Variants in MYL1 observed in about 807,000 individuals in gnomAD.
MYL1 encodes the protein myosin light chain 1.
Under a neutral mutation model 21.8 loss-of-function variants are expected in MYL1, and 16 were observed. That is an observed-to-expected ratio of 0.74 (90% confidence interval 0.50 to 1.12). MYL1 has a LOEUF of 1.12. Among genes scored for constraint, MYL1 ranks in the 50% most tolerant of loss-of-function variants. The pLI is 0.00. For missense variants in MYL1, 246 were observed against 241.0 expected (o/e 1.02, Z -0.14); for synonymous variants, 99 against 85.2 (o/e 1.16, Z -0.89).
intron 1 of MYL1, among the ~76,000 whole-genome samples, chr2:210,311,987 C>T (rs1690425551): frequency 6.6e-6 from 1 of 151,894 alleles, no homozygotes; most frequent in African/African-American, 2.4e-5. Flanking sequence ...TGTGTCAGAA[C>T]AATTGAAGAA....
intron 1 of MYL1, among the ~76,000 whole-genome samples, chr2:210,308,042 C>G (rs970166951): frequency 1.3e-5 from 2 of 152,066 alleles, no homozygotes; most frequent in African/African-American, 4.8e-5. Flanking sequence ...TGGGAAGGAA[C>G]ATGGACTACA....
rs576686301 is a variant in MYL1, at chr2:210,298,146, G to A, written c.304+274C>T. On this transcript the variant is annotated intron_variant, in intron 3 of 6. Coordinates refer to ENST00000352451, the MANE Select transcript of MYL1 (RefSeq NM_079420.3). ...ATCTAATGCTTAACATTAGATATTA[G>A]CATGACATTTTACCACGCTTGCAAA... 4.6e-5 allele frequency among the ~76,000 whole-genome samples: 7 copies of A among 151,918 alleles called. No individual in the cohort carries two copies. The East Asian group carries it at 1.2e-3, about 25-fold the overall frequency.
chr2:210,308,142 G>A (rs1395376810), intron 1 of MYL1, among the ~76,000 whole-genome samples: 1 of 151,858 alleles, frequency 6.6e-6, no homozygotes, highest in Non-Finnish European at 1.5e-5. Flanking sequence ...ATCAGGGCCA[G>A]TTTTCAATCA....
chr2:210,295,946 G>T (rs1187274538), intron 3 of MYL1, among the ~76,000 whole-genome samples: 2 of 151,998 alleles, frequency 1.3e-5, no homozygotes, highest in African/African-American at 4.8e-5. Context: ...TCCTTCCAAA[G>T]AAAATGAAGT....
chr2:210,298,339 TACACACACACAC>T, intron 3 of MYL1, 69 bp downstream of exon 3: 2 of 1,186,988 alleles, frequency 1.7e-6, no homozygotes, highest in Non-Finnish European at 2.5e-6. Flanking sequence ...ACACACATAC[TACACACACACAC>T]ACACACACAC....
At position 210,293,736 on chromosome 2, in the gene MYL1, G is replaced by A. The variant is rs567520577; in HGVS notation, c.543C>T (p.Cys181=). 1 of 1,613,936 alleles carries A rather than the reference G, an allele frequency of 6.2e-7. No homozygotes were observed. Among genetic ancestry groups the A allele is most frequent in the East Asian group, 2.2e-5 (1 of 44,860 alleles). The change falls in exon 5 of 7, where the codon TGC becomes TGT. Residue 181 remains cysteine (C), a synonymous_variant. Transcript: ENST00000352451. ...CATTGATTCTACCTTCGTAGTTGAT[G>A]CAGCCATTGGAGTCTTCTTGACCTG... ...LMAGQEDSNG[C]INYEAFVKHI...
At chr2:210,301,075 G>T (rs996639876) in intron 2 of MYL1, among the ~76,000 whole-genome samples, 4 of 152,214 alleles carry the variant, frequency 2.6e-5, no homozygotes, top group African/African-American at 9.6e-5. Context: ...GTCCTTGCAA[G>T]GGTTTTTAAG....
intron 6 of MYL1, among the ~76,000 whole-genome samples, chr2:210,290,829 C>T (rs1690063962): frequency 1.3e-5 from 2 of 152,038 alleles, no homozygotes; most frequent in Admixed American, 6.5e-5. Flanking sequence ...AAGCAAAAAC[C>T]TCATAGGTTT....
In MYL1 at chr2:210,297,018, C is replaced by CATATAT. The variant is rs35761433; in HGVS notation, c.304+1396_304+1401dup. Among the ~76,000 whole-genome samples, 302 of 134,332 alleles carry CATATAT rather than the reference C, an allele frequency of 2.2e-3. 2 individuals carry two copies. The highest frequency in any genetic ancestry group is 6.0e-3 in the African/African-American group (226 of 37,482). 88.1% of individuals were successfully genotyped at this position (134,332 alleles called of 152,430 possible). On this transcript the variant is annotated intron_variant, in intron 3 of 6. Transcript: ENST00000352451. ...GTGTGTGTGTGTGTGTGTGTGTGTACATATATATATATATATATACATATA... is the reference window on the plus strand; with the variant it reads ...GTGTGTGTGTGTGTGTGTGTGTGTACATATATATATATATATATATATATACATATA...
At chr2:210,303,068 A>G (rs1690288741) in intron 1 of MYL1, 3 of 472,480 alleles carry the variant, frequency 6.3e-6, no homozygotes, top group Admixed American at 7.6e-5. Flanking sequence ...GATATGTCTA[A>G]TAAGATACAC....
At chr2:210,310,747 C>T (rs1202913553) in intron 1 of MYL1, among the ~76,000 whole-genome samples, 1 of 151,940 alleles carries the variant, frequency 6.6e-6, no homozygotes, top group Non-Finnish European at 1.5e-5. Flanking sequence ...TGAACTTGCT[C>T]TGATGTGTCT....
intron 1 of MYL1, chr2:210,303,101 CATTAAAAAGACTACCTTAAGT>C: frequency 2.6e-6 from 1 of 391,822 alleles, no homozygotes; most frequent in Non-Finnish European, 4.5e-6. Context: ...CAGATATACA[CATTAAAAAGACTACCTTAAGT>C]CTGTCTTCTA....
At chr2:210,303,490 C>G in intron 1 of MYL1, 8 of 1,548,224 alleles carry the variant, frequency 5.2e-6, no homozygotes, top group Non-Finnish European at 7.1e-6. Flanking sequence ...AAGATCATAT[C>G]CTCTATCTAT....
chr2:210,314,911 C>T lies in MYL1; in HGVS notation c.132G>A (p.Lys44=), dbSNP rs1191324879. Residue 44 remains lysine (K), a splice_region_variant and synonymous_variant, in exon 1 of 7, where the codon AAG becomes AAA. Transcript: ENST00000352451. ...CCAAACAGTTCATCCATTTAGTTAC[C>T]TTAATGGCAGAGAGGTCAATTTTTT... ...KEEKIDLSAI[K]IEFSKEQQDE... 1 of 1,613,794 alleles carries T rather than the reference C, an allele frequency of 6.2e-7. No individual in the cohort carries two copies. The highest frequency in any genetic ancestry group is 1.1e-5 in the South Asian group (1 of 91,054).
intron 3 of MYL1, 127 bp downstream of exon 3, chr2:210,298,293 A>G: frequency 9.2e-7 from 1 of 1,088,654 alleles, no homozygotes; most frequent in Admixed American, 2.1e-5. Flanking sequence ...TTTTAAATCA[A>G]TCTTTCTCTC....
intron 3 of MYL1, among the ~76,000 whole-genome samples, chr2:210,294,785 G>T (rs1995835): frequency 0.47 from 71,241 of 151,866 alleles, 16,853 homozygotes; most frequent in Middle Eastern, 0.63. Flanking sequence ...CTTAATAAGT[G>T]TTAGCTTTTT....
intron 1 of MYL1, among the ~76,000 whole-genome samples, chr2:210,310,515 A>T (rs1445815858): frequency 1.3e-5 from 2 of 152,048 alleles, no homozygotes; most frequent in African/African-American, 4.8e-5. Context: ...CAAAATTACT[A>T]AAAAAACTCA....
intron 2 of MYL1, among the ~76,000 whole-genome samples, chr2:210,301,404 A>G (rs1690263536): frequency 6.6e-6 from 1 of 152,076 alleles, no homozygotes; most frequent in Non-Finnish European, 1.5e-5. Flanking sequence ...AATATGAACT[A>G]TTTCAGATGC....
At chr2:210,296,940 A>G (rs1197767126) in intron 3 of MYL1, among the ~76,000 whole-genome samples, 2 of 151,488 alleles carry the variant, frequency 1.3e-5, no homozygotes, top group East Asian at 3.9e-4. Flanking sequence ...AAGCTCATCC[A>G]TCTTGCAGCA....
Sources: allele counts gnomAD v4.1 joint callset (sites outside exome capture counted in the v4.1 genomes callset), GRCh38; gene constraint gnomAD v4.1.1; transcripts MANE v1.5; gene names NCBI Gene and HGNC (gene_info 2026-07-23, HGNC 2026-07-21).